PRKCH: variants seen among roughly 807,000 people sequenced by gnomAD.
The protein encoded by PRKCH is protein kinase C eta, also known as protein kinase C eta type.
Under a neutral mutation model 82.5 loss-of-function variants are expected in PRKCH, and 28 were observed. The observed-to-expected ratio is 0.34, with a 90% CI of 0.25 to 0.47. The LOEUF (loss-of-function observed/expected upper bound fraction) is 0.47. Ranked by LOEUF, PRKCH falls within the 20% of genes least tolerant of loss-of-function variation. PRKCH has a pLI of 1.00. For synonymous variants in PRKCH, 322 were observed against 327.4 expected, an observed-to-expected ratio of 0.98 and a Z score of 0.18; for missense variants, 705 against 881.8, an observed-to-expected ratio of 0.80 and a Z score of 2.54.
intron 10 of PRKCH, among the ~76,000 whole-genome samples, chr14:61,502,106 T>C (rs1301897024): frequency 7.7e-6 from 1 of 129,978 alleles, no homozygotes; most frequent in African/African-American, 2.9e-5. Flanking sequence ...TCACTCTCAC[T>C]CAGGCAGGAG....
intron 1 of PRKCH, among the ~76,000 whole-genome samples, chr14:61,225,271 T>C (rs2044688312): frequency 6.6e-6 from 1 of 152,186 alleles, no homozygotes; most frequent in African/African-American, 2.4e-5. Context: ...GAACTTTCTG[T>C]GGGGAAATAG....
chr14:61,549,790 T>A lies in PRKCH; in HGVS notation c.2011T>A (p.Phe671Ile). 1 of 1,613,940 alleles carries A rather than the reference T, an allele frequency of 6.2e-7. No individual in the cohort carries two copies. The highest frequency in any genetic ancestry group is 8.5e-7 in the Non-Finnish European group (1 of 1,179,986). The change falls in exon 14 of 14, where the codon TTT becomes ATT. Residue 671 changes from phenylalanine (F) to isoleucine (I), a missense_variant. Coordinates refer to ENST00000332981, the MANE Select transcript of PRKCH (RefSeq NM_006255.5). ...GHLPMINQDE[F>I]RNFSYVSPEL... Reference sequence around the variant, plus strand: ...TCTTCCAATGATTAACCAGGATGAGTTTAGAAACTTTTCCTATGTGTCTCC... The same window carrying A: ...TCTTCCAATGATTAACCAGGATGAGATTAGAAACTTTTCCTATGTGTCTCC...
At chr14:61,311,193 A>G (rs1594903881) in intron 1 of PRKCH, among the ~76,000 whole-genome samples, 1 of 152,240 alleles carries the variant, frequency 6.6e-6, no homozygotes, top group African/African-American at 2.4e-5. Flanking sequence ...CTTGTTACTT[A>G]TGCAAATTTC....
At chr14:61,218,237 T>C (rs2044628397) in intron 1 of PRKCH, among the ~76,000 whole-genome samples, 1 of 152,174 alleles carries the variant, frequency 6.6e-6, no homozygotes, top group South Asian at 2.1e-4. Flanking sequence ...ATCACAATCT[T>C]CTTCCCATGC....
chr14:61,360,808 C>G (rs970077816), intron 1 of PRKCH, among the ~76,000 whole-genome samples: 1 of 152,208 alleles, frequency 6.6e-6, no homozygotes, highest in Non-Finnish European at 1.5e-5. Context: ...TTCTAGCTAT[C>G]TGGTAATACC....
chr14:61,443,324 T>G (rs1884067408), intron 3 of PRKCH, 63 bp downstream of exon 3: 4 of 1,506,080 alleles, frequency 2.7e-6, no homozygotes, highest in Non-Finnish European at 3.6e-6. Flanking sequence ...CCTCTGGTTA[T>G]GTATGACTTC....
At chr14:61,499,906 T>G (rs973805576) in intron 10 of PRKCH, among the ~76,000 whole-genome samples, 1 of 150,376 alleles carries the variant, frequency 6.6e-6, no homozygotes, top group Non-Finnish European at 1.5e-5. Context: ...AAAATACAGC[T>G]CTCTTACAAG....
chr14:61,449,900 C>G (rs12892468), intron 5 of PRKCH, among the ~76,000 whole-genome samples: 11,441 of 36,810 alleles, frequency 0.31, 939 homozygotes, highest in Middle Eastern at 0.37. Flanking sequence ...CTCTCTCTCT[C>G]TGTGTGTGTG....
intron 10 of PRKCH, among the ~76,000 whole-genome samples, chr14:61,503,813 G>C (rs904002137): frequency 1.3e-5 from 2 of 152,040 alleles, no homozygotes; most frequent in Non-Finnish European, 2.9e-5. Flanking sequence ...TAGAGTCGAG[G>C]GCTTACCATG....
intron 1 of PRKCH, among the ~76,000 whole-genome samples, chr14:61,309,938 G>A (rs981224728): frequency 4.0e-5 from 2 of 49,544 alleles, no homozygotes; most frequent in Non-Finnish European, 1.1e-4. Flanking sequence ...ATGGTGGCAG[G>A]CAAGAGAGAG....
chr14:61,278,534 T>C (rs1230191149), intron 1 of PRKCH: 1 of 152,230 alleles, frequency 6.6e-6, no homozygotes, highest in Non-Finnish European at 1.5e-5. Context: ...TGCTAAAAAG[T>C]ACTTCAAGAT....
intron 2 of PRKCH, among the ~76,000 whole-genome samples, chr14:61,404,032 T>G (rs1881806027): frequency 6.6e-6 from 1 of 152,132 alleles, no homozygotes; most frequent in African/African-American, 2.4e-5. Context: ...GACAGTAGAG[T>G]TTGTTTTCCA....
chr14:61,281,181 C>G, intron 1 of PRKCH: 1 of 1,256,302 alleles, frequency 8.0e-7, no homozygotes, highest in South Asian at 3.2e-5. Flanking sequence ...GCGGGCTGAC[C>G]GAGTGGGGGC....
intron 1 of PRKCH, among the ~76,000 whole-genome samples, chr14:61,261,959 C>T (rs1205589489): frequency 2.0e-5 from 3 of 152,124 alleles, no homozygotes; most frequent in East Asian, 1.9e-4. Context: ...CGGTAGCTCA[C>T]GCTTGTAATC....
chr14:61,516,580 G>C (rs1361562256), intron 10 of PRKCH, among the ~76,000 whole-genome samples: 1 of 152,144 alleles, frequency 6.6e-6, no homozygotes, highest in African/African-American at 2.4e-5. Context: ...TGGGAAAACT[G>C]GGCCCTTTGG....
chr14:61,323,569 G>T (rs2045658703), intron 1 of PRKCH, among the ~76,000 whole-genome samples: 1 of 152,080 alleles, frequency 6.6e-6, no homozygotes, highest in Non-Finnish European at 1.5e-5. Flanking sequence ...GGTGATGAAG[G>T]CTCATTTAGG....
chr14:61,412,348 G>A (rs1483305530), intron 2 of PRKCH, among the ~76,000 whole-genome samples: 1 of 152,166 alleles, frequency 6.6e-6, no homozygotes, highest in Non-Finnish European at 1.5e-5. Context: ...TGAAAATGGA[G>A]AAAATAAACA....
intron 1 of PRKCH, among the ~76,000 whole-genome samples, chr14:61,355,659 A>T (rs1645571422): frequency 6.6e-6 from 1 of 152,170 alleles, no homozygotes; most frequent in African/African-American, 2.4e-5. Context: ...CTCATATTCA[A>T]CATGGAAATT....
At chr14:61,291,955 T>G (rs2045366474) in intron 1 of PRKCH, among the ~76,000 whole-genome samples, 1 of 152,104 alleles carries the variant, frequency 6.6e-6, no homozygotes, top group Non-Finnish European at 1.5e-5. Context: ...ATCAGATTGC[T>G]CCACAAAATT....
Sources: allele counts gnomAD v4.1 joint callset (sites outside exome capture counted in the v4.1 genomes callset), GRCh38; gene constraint gnomAD v4.1.1; transcripts MANE v1.5; gene names NCBI Gene and HGNC (gene_info 2026-07-23, HGNC 2026-07-21).